Variants in FGF13 observed in about 807,000 individuals in gnomAD.
FGF13 encodes fibroblast growth factor homologous factor 2.
FGF13 carries 2 observed loss-of-function variants against 19.5 expected under a neutral mutation model. The observed-to-expected ratio is 0.10, with a 90% confidence interval of 0.04 to 0.32. The LOEUF is 0.32. Ranked by LOEUF, FGF13 falls within the 10% of genes least tolerant of loss-of-function variation. FGF13 has a pLI of 1.00. For synonymous variants in FGF13, 72 were observed against 76.9 expected (o/e 0.94, Z 0.33); for missense variants, 113 against 192.7 (o/e 0.59, Z 2.45).
At chrX:138,839,943 A>G (rs1188511389) in intron 3 of FGF13, among the ~76,000 whole-genome samples, 1 of 111,943 alleles carries the variant, frequency 8.9e-6, no homozygotes, top group Non-Finnish European at 1.9e-5. Context: ...ATGGGATAAA[A>G]TATCTACATT....
chrX:138,646,245 G>A (rs1356379153), intron 3 of FGF13, among the ~76,000 whole-genome samples: 2 of 112,152 alleles, frequency 1.8e-5, no homozygotes, highest in Admixed American at 9.5e-5. Flanking sequence ...AATCTCTAAA[G>A]AGCTTGTTTT....
At chrX:138,851,937 C>T (rs1252723727) in intron 3 of FGF13, among the ~76,000 whole-genome samples, 3 of 110,838 alleles carry the variant, frequency 2.7e-5, no homozygotes, top group African/African-American at 9.8e-5. Context: ...GACAAGCAGA[C>T]AGCCAAATCA....
chrX:138,818,356 T>A (rs956289785), intron 3 of FGF13, among the ~76,000 whole-genome samples: 2 of 110,509 alleles, frequency 1.8e-5, no homozygotes, highest in Admixed American at 2.0e-4. Flanking sequence ...CTCAGTCTAC[T>A]TAAGGAAGGC....
intron 1 of FGF13, among the ~76,000 whole-genome samples, chrX:139,087,432 T>A (rs939341401): frequency 3.6e-5 from 4 of 112,353 alleles, no homozygotes; most frequent in African/African-American, 1.3e-4. Context: ...AGTCTTTTCT[T>A]CATTTATTTT....
chrX:138,754,364 T>A (rs1406619615), intron 3 of FGF13, among the ~76,000 whole-genome samples: 1 of 111,597 alleles, frequency 9.0e-6, no homozygotes, highest in Non-Finnish European at 1.9e-5. Context: ...TAAATGGATA[T>A]GAGTATCACA....
intron 1 of FGF13, among the ~76,000 whole-genome samples, chrX:139,157,121 T>C (rs896394465): frequency 1.8e-5 from 2 of 111,576 alleles, no homozygotes; most frequent in East Asian, 2.8e-4. Flanking sequence ...ATCATTATTA[T>C]TATTATTTCC....
At chrX:138,724,702 G>C (rs1233048720) in intron 1 of FGF13, among the ~76,000 whole-genome samples, 1 of 111,736 alleles carries the variant, frequency 8.9e-6, no homozygotes, top group African/African-American at 3.2e-5. Flanking sequence ...AAAACAGTCT[G>C]AGCTAAAAAC....
At chrX:138,684,135 A>G (rs2089756193) in intron 3 of FGF13, among the ~76,000 whole-genome samples, 1 of 111,791 alleles carries the variant, frequency 8.9e-6, no homozygotes, top group African/African-American at 3.2e-5. Flanking sequence ...AAATTTAATA[A>G]TGCATGCAAA....
intron 1 of FGF13, among the ~76,000 whole-genome samples, chrX:139,024,107 G>A: frequency 9.0e-6 from 1 of 110,525 alleles, no homozygotes; most frequent in East Asian, 2.9e-4. Context: ...CTGTTCACAG[G>A]GGCAGTGAAC....
chrX:138,786,627 C>G (rs934493825), intron 3 of FGF13, among the ~76,000 whole-genome samples: 1 of 108,042 alleles, frequency 9.3e-6, no homozygotes, highest in African/African-American at 3.4e-5. Flanking sequence ...TCACCTCCTA[C>G]TGTATCCTCA....
At chrX:139,160,306 CA>C (rs1348809922) in intron 1 of FGF13, among the ~76,000 whole-genome samples, 1 of 111,961 alleles carries the variant, frequency 8.9e-6, no homozygotes, top group Non-Finnish European at 1.9e-5. Context: ...AACAAAGACA[CA>C]ACGTAACACA....
At chrX:138,693,669 T>A (rs1273883756) in intron 3 of FGF13, among the ~76,000 whole-genome samples, 1 of 111,979 alleles carries the variant, frequency 8.9e-6, no homozygotes, top group Non-Finnish European at 1.9e-5. Context: ...TAAACACTTT[T>A]CCAATTTTAA....
chrX:138,652,863 G>A (rs1170184017), intron 3 of FGF13, among the ~76,000 whole-genome samples: 1 of 112,231 alleles, frequency 8.9e-6, no homozygotes, highest in East Asian at 2.8e-4. Context: ...CTGATGGCTA[G>A]TAAATTTCAA....
intron 1 of FGF13, among the ~76,000 whole-genome samples, chrX:139,179,702 T>C (rs973417503): frequency 8.9e-6 from 1 of 112,883 alleles, no homozygotes; most frequent in Non-Finnish European, 1.9e-5. Context: ...ACTTTGCAAA[T>C]AGCAAATAGC....
chrX:138,711,661 G>C lies in FGF13; in HGVS notation c.-658C>G. 3 of 754,501 alleles carry C rather than the reference G, an allele frequency of 4.0e-6. No homozygotes were observed. The highest frequency in any genetic ancestry group is 4.7e-6 in the Non-Finnish European group (3 of 638,947). 62.2% of individuals were successfully genotyped at this position (754,501 alleles called of 1,213,427 possible). A position where few individuals can be genotyped will look rare whatever the true frequency, so the allele number is the denominator to read the frequency against. On this transcript the variant is annotated 5_prime_UTR_variant, in exon 1 of 5. Coordinates refer to ENST00000315930, the MANE Select transcript of FGF13 (RefSeq NM_004114.5). Reference sequence around the variant, plus strand: ...TCGCTGTTGCTGCTGCTCTGGGCGCGGCACAGTCGCAGCACAGGAATTCAG... The same window carrying C: ...TCGCTGTTGCTGCTGCTCTGGGCGCCGCACAGTCGCAGCACAGGAATTCAG...
At chrX:138,664,567 G>C (rs1023987069) in intron 3 of FGF13, among the ~76,000 whole-genome samples, 1 of 110,334 alleles carries the variant, frequency 9.1e-6, no homozygotes, top group African/African-American at 3.3e-5. Flanking sequence ...GTGAGAGAGA[G>C]AGAGAGAGAG....
At chrX:138,919,048 G>GA (rs925107808) in intron 1 of FGF13, among the ~76,000 whole-genome samples, 1 of 110,911 alleles carries the variant, frequency 9.0e-6, no homozygotes, top group South Asian at 3.7e-4. Flanking sequence ...CTTACCTATG[G>GA]AAAAAAATGC....
At chrX:138,880,658 G>A (rs1382084865) in intron 1 of FGF13, among the ~76,000 whole-genome samples, 2 of 111,744 alleles carry the variant, frequency 1.8e-5, no homozygotes, top group African/African-American at 6.5e-5. Context: ...TGGAAATCCA[G>A]TCGACTCCGC....
rs2089082727 is a variant in FGF13 at position 138,628,175 on chromosome X, A to G, written c.*4675T>C. ...GAATTAGAGACATGTTCTTTTCAGT[A>G]TACTATTACTTGTAGCATTCTCAAT... On this transcript the variant is annotated 3_prime_UTR_variant, in exon 5 of 5. Transcript: ENST00000315930. 1 of 111,868 alleles carries G rather than the reference A, an allele frequency of 8.9e-6. No individual in the cohort carries two copies. Among genetic ancestry groups the G allele is most frequent in the Non-Finnish European group, 1.9e-5 (1 of 53,245 alleles). 9.2% of individuals were successfully genotyped at this position (111,868 alleles called of 1,213,427 possible).
Sources: allele counts gnomAD v4.1 joint callset (sites outside exome capture counted in the v4.1 genomes callset), GRCh38; gene constraint gnomAD v4.1.1; transcripts MANE v1.5; gene names NCBI Gene and HGNC (gene_info 2026-07-23, HGNC 2026-07-21).